Variants in SIDT1 observed in about 807,000 individuals in gnomAD.
SIDT1 encodes the protein SID1 transmembrane family, member 1.
SIDT1 carries 101 observed loss-of-function variants against 107.5 expected under a neutral mutation model. The ratio of observed to expected loss-of-function variants is 0.94; its 90% CI spans 0.80 to 1.11. The LOEUF (loss-of-function observed/expected upper bound fraction) is 1.11. Among genes scored for constraint, SIDT1 ranks in the 50% least tolerant of loss-of-function variants. SIDT1 has a pLI of 0.00. For synonymous variants in SIDT1, 395 were observed against 398.2 expected, an observed-to-expected ratio of 0.99 and a Z score of 0.10; for missense variants, 1,076 against 1,058.2, an observed-to-expected ratio of 1.02 and a Z score of -0.23.
chr3:113,535,345 T>G (rs1032630242), intron 1 of SIDT1, among the ~76,000 whole-genome samples: 5 of 151,872 alleles, frequency 3.3e-5, no homozygotes, highest in Non-Finnish European at 7.4e-5. Context: ...AATGAACAAA[T>G]AAGTGAATAA....
intron 17 of SIDT1, among the ~76,000 whole-genome samples, chr3:113,610,589 G>C (rs1273659043): frequency 2.6e-5 from 4 of 152,088 alleles, no homozygotes; most frequent in Non-Finnish European, 4.4e-5. Context: ...TGCTGAGAAC[G>C]ACCTCCCACA....
intron 17 of SIDT1, among the ~76,000 whole-genome samples, chr3:113,609,332 C>T (rs1945573930): frequency 6.6e-6 from 1 of 152,110 alleles, no homozygotes; most frequent in South Asian, 2.1e-4. Flanking sequence ...TCCCAAAGTG[C>T]TGGGATTACA....
At chr3:113,588,422 A>G (rs1943895720) in intron 9 of SIDT1, among the ~76,000 whole-genome samples, 1 of 152,264 alleles carries the variant, frequency 6.6e-6, no homozygotes, top group African/African-American at 2.4e-5. Flanking sequence ...TCATCTCAGC[A>G]TAATGCCAGT....
intron 9 of SIDT1, among the ~76,000 whole-genome samples, chr3:113,587,635 A>G (rs1283888684): frequency 2.0e-5 from 3 of 152,232 alleles, no homozygotes; most frequent in Non-Finnish European, 4.4e-5. Flanking sequence ...CTTTCATGGC[A>G]GGCGCTCTAA....
chr3:113,585,310 T>C, intron 9 of SIDT1, 40 bp downstream of exon 9: 1 of 1,431,984 alleles, frequency 7.0e-7, no homozygotes, highest in Non-Finnish European at 9.9e-7. Flanking sequence ...TCCCTGTGCC[T>C]GTCTCTGTGT....
chr3:113,626,040 T>A, intron 23 of SIDT1, 62 bp from the exon 24 acceptor site: 1 of 1,179,176 alleles, frequency 8.5e-7, no homozygotes. Context: ...TTCTGGACGT[T>A]CAACTCTTTG....
chr3:113,564,715 A>C (rs1484917802), intron 1 of SIDT1, among the ~76,000 whole-genome samples: 1 of 152,136 alleles, frequency 6.6e-6, no homozygotes, highest in Non-Finnish European at 1.5e-5. Context: ...TAAAGTTAGG[A>C]GTGAAGGGAG....
chr3:113,616,498 G>A (rs1946116346), intron 20 of SIDT1, among the ~76,000 whole-genome samples: 1 of 152,054 alleles, frequency 6.6e-6, no homozygotes, highest in Admixed American at 6.5e-5. Context: ...TAGAGGGTGG[G>A]GCGAGGGGAT....
intron 20 of SIDT1, among the ~76,000 whole-genome samples, chr3:113,617,069 T>G (rs934146803): frequency 6.6e-5 from 10 of 152,194 alleles, no homozygotes; most frequent in Admixed American, 2.6e-4. Flanking sequence ...CAGTGTACCC[T>G]TATAAATAAT....
intron 3 of SIDT1, among the ~76,000 whole-genome samples, chr3:113,574,872 C>G (rs1942775796): frequency 2.6e-5 from 4 of 152,100 alleles, no homozygotes; most frequent in African/African-American, 9.7e-5. Flanking sequence ...TTCTCTAAAA[C>G]TAACAATCCA....
intron 14 of SIDT1, 146 bp downstream of exon 14, chr3:113,605,122 C>CTATTTTTT: frequency 6.2e-5 from 19 of 306,922 alleles, no homozygotes; most frequent in Non-Finnish European, 8.6e-5. Flanking sequence ...CTATTGCTTC[C>CTATTTTTT]TCTTTTTTTT....
At chr3:113,559,676 C>T (rs1295286391) in intron 1 of SIDT1, among the ~76,000 whole-genome samples, 3 of 152,156 alleles carry the variant, frequency 2.0e-5, no homozygotes, top group Non-Finnish European at 2.9e-5. Context: ...AACTCCTGAG[C>T]TCAAGGGTTC....
At chr3:113,596,287 A>C (rs1469367952) in intron 10 of SIDT1, among the ~76,000 whole-genome samples, 1 of 152,208 alleles carries the variant, frequency 6.6e-6, no homozygotes, top group Non-Finnish European at 1.5e-5. Context: ...CAGGTTGCCA[A>C]ATTGGTGGCA....
intron 1 of SIDT1, among the ~76,000 whole-genome samples, chr3:113,546,458 CAT>C (rs1939604413): frequency 6.6e-6 from 1 of 152,146 alleles, no homozygotes; most frequent in Non-Finnish European, 1.5e-5. Context: ...ACTCCTGCCA[CAT>C]GTGCTGAACT....
chr3:113,608,006 G>C, intron 15 of SIDT1, 88 bp from the exon 16 acceptor site: 1 of 1,360,112 alleles, frequency 7.4e-7, no homozygotes, highest in Non-Finnish European at 9.7e-7. Context: ...CATTCATGCT[G>C]AATTCATTCA....
chr3:113,610,388 CTAACGTTTAT>C (rs1354039725), intron 17 of SIDT1, among the ~76,000 whole-genome samples: 1 of 152,208 alleles, frequency 6.6e-6, no homozygotes, highest in Non-Finnish European at 1.5e-5. Flanking sequence ...CAGATCATCA[CTAACGTTTAT>C]TACTGTCAGA....
At chr3:113,608,263 C>T (rs1349946214) in intron 16 of SIDT1, 46 bp downstream of exon 16, 2 of 1,556,086 alleles carry the variant, frequency 1.3e-6, no homozygotes, top group East Asian at 2.3e-5. Context: ...TGGATCCAAA[C>T]AGGATCTGCA....
At chr3:113,621,835 C>T (rs1946481313) in intron 21 of SIDT1, among the ~76,000 whole-genome samples, 1 of 152,164 alleles carries the variant, frequency 6.6e-6, no homozygotes, top group Non-Finnish European at 1.5e-5. Context: ...TCCATTAGAA[C>T]TCTCTGGAGT....
At chr3:113,624,589 T>C (rs555740749) in intron 23 of SIDT1, among the ~76,000 whole-genome samples, 1 of 152,362 alleles carries the variant, frequency 6.6e-6, no homozygotes, top group East Asian at 1.9e-4. Context: ...TTCCTTGAGG[T>C]AAAATATACA....
Sources: allele counts gnomAD v4.1 joint callset (sites outside exome capture counted in the v4.1 genomes callset), GRCh38; gene constraint gnomAD v4.1.1; transcripts MANE v1.5; gene names NCBI Gene and HGNC (gene_info 2026-07-23, HGNC 2026-07-21).